Variants in PAK1 observed in about 807,000 individuals in gnomAD.
The protein encoded by PAK1 is serine/threonine-protein kinase PAK 1.
A neutral mutation model predicts 67.4 loss-of-function variants in PAK1; 29 were observed. That is an observed-to-expected ratio of 0.43 (90% CI 0.32 to 0.59). PAK1 has a LOEUF of 0.59. Among genes scored for constraint, PAK1 ranks in the 20% least tolerant of loss-of-function variants. The pLI is 0.07. For synonymous variants in PAK1, 223 were observed against 237.4 expected (o/e 0.94, Z 0.56); for missense variants, 337 against 670.7 (o/e 0.50, Z 5.50).
intron 9 of PAK1, among the ~76,000 whole-genome samples, chr11:77,347,248 A>C (rs943943351): frequency 6.6e-6 from 1 of 152,158 alleles, no homozygotes; most frequent in African/African-American, 2.4e-5. Flanking sequence ...AGGAACCACC[A>C]TCATCACCTA....
intron 1 of PAK1, among the ~76,000 whole-genome samples, chr11:77,461,659 G>C (rs749529587): frequency 6.6e-6 from 1 of 152,186 alleles, no homozygotes; most frequent in Non-Finnish European, 1.5e-5. Context: ...GTATGTTTAT[G>C]TATGTTTACA....
the PAK1 span, among the ~76,000 whole-genome samples, chr11:77,520,431 G>A: frequency 1.5e-4 from 23 of 152,246 alleles, no homozygotes; most frequent in Admixed American, 1.3e-3. Flanking sequence ...GTATCAAAAC[G>A]AAACAAGGTG....
rs758823750 is a variant in PAK1 at position 77,332,856 on chromosome 11, G to C, written c.1425C>G (p.Leu475=). 3 of 1,613,690 alleles carry C rather than the reference G, an allele frequency of 1.9e-6. No homozygotes were observed. The highest frequency in any genetic ancestry group is 1.1e-5 in the South Asian group (1 of 91,080). ...GTTCTGGGGTCCCATTGGTGGCAAT[G>C]AGGTACAAGGCCTGGCAATAAAAAT... ...LNENPLRALY[L]IATNGTPELQ... is the part of the protein sequence containing the mutation. The change falls in exon 14 of 15, where the codon CTC becomes CTG. Residue 475 remains leucine (L), a synonymous_variant. Coordinates refer to ENST00000356341, the MANE Select transcript of PAK1 (RefSeq NM_002576.5).
intron 9 of PAK1, among the ~76,000 whole-genome samples, chr11:77,345,149 AT>A (rs1325031793): frequency 6.6e-6 from 1 of 152,190 alleles, no homozygotes; most frequent in Non-Finnish European, 1.5e-5. Context: ...ACAACTTGCT[AT>A]CATGTATAAT....
the PAK1 span, among the ~76,000 whole-genome samples, chr11:77,509,220 T>C: frequency 6.6e-6 from 1 of 151,484 alleles, no homozygotes; most frequent in Non-Finnish European, 1.5e-5. Flanking sequence ...ATCGCGCCAC[T>C]GCACTCCAGC....
At chr11:77,489,621 G>C in the PAK1 span, among the ~76,000 whole-genome samples, 3 of 152,046 alleles carry the variant, frequency 2.0e-5, no homozygotes, top group Non-Finnish European at 4.4e-5. Flanking sequence ...ACTGGTTTTC[G>C]TATTTTTTTG....
chr11:77,383,188 T>C (rs1263699308), intron 2 of PAK1, among the ~76,000 whole-genome samples: 1 of 152,140 alleles, frequency 6.6e-6, no homozygotes, highest in Non-Finnish European at 1.5e-5. Context: ...TATCAACTAC[T>C]AACTGAAATA....
the PAK1 span, among the ~76,000 whole-genome samples, chr11:77,490,268 T>C: frequency 7.1e-6 from 1 of 140,302 alleles, no homozygotes; most frequent in Non-Finnish European, 1.5e-5. Context: ...AGCCGCCCCG[T>C]CTCAGAGGGA....
At chr11:77,384,921 AG>A (rs1950266876) in intron 2 of PAK1, among the ~76,000 whole-genome samples, 1 of 152,222 alleles carries the variant, frequency 6.6e-6, no homozygotes, top group Non-Finnish European at 1.5e-5. Flanking sequence ...TTTAAAAAAA[AG>A]TGAATGTAAT....
chr11:77,513,952 GCTC>G, the PAK1 span, among the ~76,000 whole-genome samples: 2 of 152,070 alleles, frequency 1.3e-5, no homozygotes, highest in East Asian at 1.9e-4. Context: ...CATCTCATTT[GCTC>G]CTTATTCCAT....
At chr11:77,325,575 G>A (rs1011719586) in intron 14 of PAK1, among the ~76,000 whole-genome samples, 1 of 152,104 alleles carries the variant, frequency 6.6e-6, no homozygotes, top group Non-Finnish European at 1.5e-5. Flanking sequence ...ACTATAATTT[G>A]GTATTTAATT....
chr11:77,508,535 C>A, the PAK1 span, among the ~76,000 whole-genome samples: 1 of 152,078 alleles, frequency 6.6e-6, no homozygotes, highest in East Asian at 1.9e-4. Flanking sequence ...TCCAGCAAAC[C>A]ACTGAGTGCC....
intron 2 of PAK1, among the ~76,000 whole-genome samples, chr11:77,388,422 T>A (rs1950721257): frequency 6.6e-6 from 1 of 152,206 alleles, no homozygotes. Context: ...GGCGCAATCT[T>A]GGCTCACTGC....
Position 77,362,769 on chromosome 11 carries a change from AAT to A in PAK1, c.478-3754_478-3753del, listed in dbSNP as rs979288711. The stretch of plus-strand genomic sequence containing the variant: ...GTGCTCAGTATAGGATTGCTAAATG[AAT>A]ATGTCTTATCCAATAGTAGTATAAA... On this transcript the variant is annotated intron_variant, in intron 5 of 14. Coordinates refer to ENST00000356341, the MANE Select transcript of PAK1 (RefSeq NM_002576.5). Among the ~76,000 whole-genome samples the A allele has an allele frequency of 1.5e-4, 23 of 152,342 alleles. No individual in the cohort carries two copies. In the East Asian group the frequency reaches 3.7e-3, roughly 24 times the overall value.
At chr11:77,435,534 C>G (rs939930746) in intron 1 of PAK1, among the ~76,000 whole-genome samples, 3 of 151,078 alleles carry the variant, frequency 2.0e-5, no homozygotes, top group Admixed American at 2.0e-4. Context: ...CACTCTGTCC[C>G]CCAGGCTGGA....
intron 1 of PAK1, among the ~76,000 whole-genome samples, chr11:77,409,725 G>C (rs1050249334): frequency 1.3e-5 from 2 of 152,000 alleles, no homozygotes; most frequent in African/African-American, 4.8e-5. Context: ...CTCATATGTA[G>C]GAGGTAAAAA....
At position 77,355,862 on chromosome 11, in the gene PAK1, T is replaced by C; in HGVS notation, c.598-20A>G. On this transcript the variant is annotated intron_variant, in intron 6 of 14. Transcript: ENST00000356341. ...GTATACCTGCATTATTAGTGCAAAA[T>C]TTTGGCAAGACCAGCCTTTGTTAGC... is the stretch of plus-strand genomic sequence containing the variant. 1 of 1,607,300 alleles carries C rather than the reference T, an allele frequency of 6.2e-7. No homozygotes were observed. The highest frequency in any genetic ancestry group is 2.2e-5 in the East Asian group (1 of 44,776).
chr11:77,448,559 T>A (rs1169411146), intron 1 of PAK1, among the ~76,000 whole-genome samples: 1 of 152,186 alleles, frequency 6.6e-6, no homozygotes, highest in Non-Finnish European at 1.5e-5. Flanking sequence ...AGAGAAGGCA[T>A]CAGAGACAGA....
the PAK1 span, among the ~76,000 whole-genome samples, chr11:77,507,740 G>T: frequency 2.6e-5 from 4 of 152,078 alleles, no homozygotes; most frequent in South Asian, 8.3e-4. Context: ...TGCCCTGGCT[G>T]GTCTTGAACT....
Sources: gnomAD v4.1 joint callset for allele counts (sites outside exome capture counted in the v4.1 genomes callset) on GRCh38, gnomAD v4.1.1 for gene constraint, MANE v1.5 for transcripts, NCBI Gene and HGNC (gene_info 2026-07-23, HGNC 2026-07-21) for gene names.